DNAH9: variants seen among roughly 807,000 people sequenced by gnomAD.
DNAH9 encodes DNAH9 variant protein.
Under a neutral mutation model 471.6 loss-of-function variants are expected in DNAH9, and 345 were observed. The ratio of observed to expected loss-of-function variants is 0.73; its 90% CI spans 0.67 to 0.80. The LOEUF (loss-of-function observed/expected upper bound fraction) is 0.80, where lower values mean the gene tolerates loss of function less well. Among genes scored for constraint, DNAH9 ranks in the 30% least tolerant of loss-of-function variants. The pLI is 0.00. For synonymous variants in DNAH9, 2,093 were observed against 2,123.6 expected (o/e 0.99, Z 0.40); for missense variants, 5,407 against 5,609.2 (o/e 0.96, Z 1.15).
chr17:11,812,177 A>G lies in DNAH9; in HGVS notation c.8707+1808A>G, dbSNP rs570488935. ...TACGCTTTCTTGGCTCTTAAACCAA[A>G]TGCAGCATCTACAAAACCACCTCTT... On this transcript the variant is annotated intron_variant, in intron 45 of 68. Coordinates refer to ENST00000262442, the MANE Select transcript of DNAH9 (RefSeq NM_001372.4). Among the ~76,000 whole-genome samples the G allele has an allele frequency of 1.7e-4, 26 of 150,928 alleles. No homozygotes were observed. In the Admixed American group the frequency reaches 1.7e-3, roughly 10 times the overall value.
At chr17:11,956,619 TTAAC>T (rs1193043687) in intron 67 of DNAH9, among the ~76,000 whole-genome samples, 1 of 152,096 alleles carries the variant, frequency 6.6e-6, no homozygotes, top group African/African-American at 2.4e-5. Flanking sequence ...ACACAGTATA[TTAAC>T]TGACTATAGC....
In DNAH9 at chr17:11,880,065, C is replaced by A; in HGVS notation, c.10479-13C>A. ...ACAGTCTCATACTCCCGGACTCATA[C>A]TTGTTTCCCTAGCTACCTTCAAATC... On this transcript the variant is annotated splice_polypyrimidine_tract_variant and intron_variant, in intron 53 of 68. Coordinates refer to ENST00000262442, the MANE Select transcript of DNAH9 (RefSeq NM_001372.4). 6.2e-7 allele frequency: 1 copy of A among 1,613,638 alleles called. No individual in the cohort carries two copies. The highest frequency in any genetic ancestry group is 1.3e-5 in the African/African-American group (1 of 75,026).
At chr17:11,963,884 T>C (rs1381551334) in intron 68 of DNAH9, among the ~76,000 whole-genome samples, 2 of 152,064 alleles carry the variant, frequency 1.3e-5, no homozygotes, top group African/African-American at 4.8e-5. Context: ...GAATTCCCTA[T>C]GAAGACAGAG....
chr17:11,636,092 C>T (rs984261191), intron 8 of DNAH9, among the ~76,000 whole-genome samples: 1 of 152,034 alleles, frequency 6.6e-6, no homozygotes, highest in Non-Finnish European at 1.5e-5. Context: ...CTGCAAACTC[C>T]GCCTCCCAGA....
At chr17:11,681,050 G>A (rs2150742091) in intron 19 of DNAH9, among the ~76,000 whole-genome samples, 161 bp downstream of exon 19, 2 of 152,244 alleles carry the variant, frequency 1.3e-5, no homozygotes, top group South Asian at 4.1e-4. Context: ...TGCTAATGTG[G>A]ACTGAATCCT....
At chr17:11,599,514 A>G (rs1386200795) in intron 1 of DNAH9, among the ~76,000 whole-genome samples, 1 of 152,196 alleles carries the variant, frequency 6.6e-6, no homozygotes, top group African/African-American at 2.4e-5. Context: ...GCCCTGTGCC[A>G]GCATAAGAAG....
intron 53 of DNAH9, among the ~76,000 whole-genome samples, chr17:11,878,198 C>T (rs921592396): frequency 4.6e-5 from 7 of 151,980 alleles, no homozygotes; most frequent in Non-Finnish European, 1.0e-4. Flanking sequence ...TAAAACACTG[C>T]CGAATGCATT....
intron 59 of DNAH9, among the ~76,000 whole-genome samples, chr17:11,898,215 C>T (rs1459107258): frequency 6.6e-6 from 1 of 151,940 alleles, no homozygotes; most frequent in African/African-American, 2.4e-5. Context: ...ACCTCTGCCT[C>T]CCGGGTTCAA....
chr17:11,695,995 A>T (rs961536083), intron 22 of DNAH9, among the ~76,000 whole-genome samples: 1 of 152,160 alleles, frequency 6.6e-6, no homozygotes, highest in South Asian at 2.1e-4. Context: ...CACTGATAGG[A>T]TTCCAAAAGT....
intron 39 of DNAH9, 33 bp downstream of exon 39, chr17:11,781,207 G>A (rs1457708374): frequency 1.9e-6 from 3 of 1,603,878 alleles, no homozygotes; most frequent in Non-Finnish European, 2.6e-6. Flanking sequence ...ACTGGCCCAA[G>A]GGAGCAGAGC....
chr17:11,762,770 G>GGTTGTTTT (rs1967746069), intron 35 of DNAH9, among the ~76,000 whole-genome samples: 1 of 90,744 alleles, frequency 1.1e-5, no homozygotes, highest in Non-Finnish European at 2.2e-5. Context: ...TTTTTTTTTT[G>GGTTGTTTT]TTTTTTTTTT....
intron 67 of DNAH9, among the ~76,000 whole-genome samples, chr17:11,946,675 A>AAG (rs1975137593): frequency 4.0e-5 from 6 of 151,372 alleles, no homozygotes; most frequent in Admixed American, 2.6e-4. Flanking sequence ...AAAAAAAAAA[A>AAG]AAAAAGAAAA....
At chr17:11,876,474 A>T (rs558830995) in intron 53 of DNAH9, among the ~76,000 whole-genome samples, 1 of 150,866 alleles carries the variant, frequency 6.6e-6, no homozygotes, top group South Asian at 2.1e-4. Context: ...TTGAAGTTAA[A>T]AAAAAGGGAA....
chr17:11,953,025 G>C (rs1032912618), intron 67 of DNAH9, among the ~76,000 whole-genome samples: 1 of 152,168 alleles, frequency 6.6e-6, no homozygotes, highest in Non-Finnish European at 1.5e-5. Flanking sequence ...GAGACTGAGA[G>C]ATTTCTTCCT....
At chr17:11,718,144 T>C (rs6502166) in intron 26 of DNAH9, among the ~76,000 whole-genome samples, 144,356 of 152,262 alleles carry the variant, frequency 0.95, 68,650 homozygotes, top group Non-Finnish European at 0.99. Flanking sequence ...CCCAAAGTGC[T>C]GGGATTACAG....
chr17:11,709,033 A>G (rs963302604), intron 26 of DNAH9, among the ~76,000 whole-genome samples: 1 of 152,172 alleles, frequency 6.6e-6, no homozygotes, highest in Non-Finnish European at 1.5e-5. Flanking sequence ...TATCATTCCA[A>G]GTGATAAAAA....
Position 11,598,515 on chromosome 17 carries a change from A to G in DNAH9, c.17A>G (p.Glu6Gly), listed in dbSNP as rs1290723546. The change falls in exon 1 of 69, where the codon GAG becomes GGG. Residue 6 changes from glutamate (E) to glycine (G), a missense_variant. Glu to Gly is a moderately conservative substitution (Grantham distance 98). Around this residue, in one of 3 missense-constraint regions of DNAH9, gnomAD observed 767 missense variants for 692.5 expected, o/e 1.11. Coordinates refer to ENST00000262442, the MANE Select transcript of DNAH9 (RefSeq NM_001372.4). MRLAE[E>G]RAALAAENAD... ...CCGCGCGCGATGCGGCTCGCGGAGGAGCGGGCCGCGCTCGCGGCGGAGAAC... is the reference window on the plus strand; with the variant it reads ...CCGCGCGCGATGCGGCTCGCGGAGGGGCGGGCCGCGCTCGCGGCGGAGAAC... 5 of 1,346,158 alleles carry G rather than the reference A, an allele frequency of 3.7e-6. No homozygotes were observed. Among genetic ancestry groups the G allele is most frequent in the Non-Finnish European group, 4.8e-6 (5 of 1,047,278 alleles). The allele number at this position is 1,346,158 out of a possible 1,614,324, so 83.4% of individuals were successfully genotyped here.
In DNAH9 at chr17:11,608,235, T is replaced by C; in HGVS notation, c.524T>C (p.Val175Ala). 6 of 1,614,072 alleles carry C rather than the reference T, an allele frequency of 3.7e-6. No individual in the cohort carries two copies. Among genetic ancestry groups the C allele is most frequent in the Non-Finnish European group, 5.1e-6 (6 of 1,179,930 alleles). ...HAHSLQCDLS[V>A]ILEQVKGKTL... ...CACAGCCTCCAATGTGACCTCTCAG[T>C]TATACTTGAGCAAGTGAAGGGAAAA... The change falls in exon 2 of 69, where the codon GTT becomes GCT. Residue 175 changes from valine (V) to alanine (A), a missense_variant. By Grantham distance (64) the Val-to-Ala change is moderately conservative. This residue lies in a region of DNAH9 where 767 missense variants were observed against 692.5 expected (regional missense o/e 1.11). Transcript: ENST00000262442.
intron 43 of DNAH9, among the ~76,000 whole-genome samples, chr17:11,804,550 A>G (rs984190196): frequency 1.3e-5 from 2 of 152,240 alleles, no homozygotes; most frequent in South Asian, 4.1e-4. Flanking sequence ...AACCAAATAA[A>G]TAAAAATAAA....
Sources: allele counts gnomAD v4.1 joint callset (sites outside exome capture counted in the v4.1 genomes callset), GRCh38; gene constraint gnomAD v4.1.1; regional missense constraint gnomAD v4.1.1; transcripts MANE v1.5; gene names NCBI Gene and HGNC (gene_info 2026-07-23, HGNC 2026-07-21).